WWOX: variants seen among roughly 807,000 people sequenced by gnomAD.
WWOX encodes WW domain-containing oxidoreductase.
Under a neutral mutation model 46.2 loss-of-function variants are expected in WWOX, and 69 were observed. The observed-to-expected ratio is 1.49, with a 90% CI of 1.23 to 1.82. The LOEUF is 1.82. Among genes scored for constraint, WWOX ranks in the 40% most tolerant of loss-of-function variants. WWOX has a pLI of 0.00. For missense variants in WWOX, 919 were observed against 542.6 expected, an observed-to-expected ratio of 1.69 and a Z score of -6.89; for synonymous variants, 359 against 202.6, an observed-to-expected ratio of 1.77 and a Z score of -6.56.
chr16:78,187,473 T>C (rs11643897), intron 5 of WWOX, among the ~76,000 whole-genome samples: 42,185 of 152,026 alleles, frequency 0.28, 5,958 homozygotes, highest in Non-Finnish European at 0.32. Flanking sequence ...CGTGGTGGTG[T>C]GCACCCGTAG....
At chr16:78,258,306 G>A (rs564292843) in intron 5 of WWOX, among the ~76,000 whole-genome samples, 1 of 152,196 alleles carries the variant, frequency 6.6e-6, no homozygotes, top group Admixed American at 6.5e-5. Flanking sequence ...CGTTTGGTGG[G>A]ACTAAAAAGG....
intron 8 of WWOX, among the ~76,000 whole-genome samples, chr16:79,038,077 C>T (rs773074253): frequency 6.6e-6 from 1 of 152,154 alleles, no homozygotes; most frequent in African/African-American, 2.4e-5. Context: ...CCCTCCTCAA[C>T]AATTAATTCA....
chr16:78,786,479 G>A (rs995847235), intron 8 of WWOX, among the ~76,000 whole-genome samples: 1 of 152,154 alleles, frequency 6.6e-6, no homozygotes, highest in African/African-American at 2.4e-5. Context: ...TGAGTTTTGA[G>A]TACTTAGTAC....
intron 8 of WWOX, among the ~76,000 whole-genome samples, chr16:78,590,145 A>ATT (rs201222690): frequency 1.5e-4 from 3 of 20,334 alleles, no homozygotes; most frequent in Admixed American, 5.7e-4. Context: ...TTAGGCATTC[A>ATT]GTCTCTCTCT....
chr16:78,427,209 C>A (rs1488329423), intron 7 of WWOX, among the ~76,000 whole-genome samples: 2 of 152,086 alleles, frequency 1.3e-5, no homozygotes, highest in African/African-American at 4.8e-5. Flanking sequence ...AGTTAAGACC[C>A]CCTGTTAGGG....
intron 8 of WWOX, among the ~76,000 whole-genome samples, chr16:78,908,891 T>G (rs192917709): frequency 6.6e-6 from 1 of 152,188 alleles, no homozygotes; most frequent in Non-Finnish European, 1.5e-5. Flanking sequence ...CTGGAGCAAT[T>G]TGGGGAGGTT....
intron 8 of WWOX, among the ~76,000 whole-genome samples, chr16:78,625,075 G>A (rs767862333): frequency 3.3e-5 from 5 of 152,226 alleles, no homozygotes; most frequent in South Asian, 2.1e-4. Flanking sequence ...ATTTGTAGCC[G>A]CCACACATGG....
At chr16:79,155,818 G>C (rs1216463008) in intron 8 of WWOX, among the ~76,000 whole-genome samples, 1 of 152,010 alleles carries the variant, frequency 6.6e-6, no homozygotes, top group African/African-American at 2.4e-5. Flanking sequence ...TATACCAGTG[G>C]TGCCTAGCAT....
intron 8 of WWOX, among the ~76,000 whole-genome samples, chr16:78,864,829 C>G (rs962345284): frequency 7.6e-6 from 1 of 131,434 alleles, no homozygotes; most frequent in Non-Finnish European, 1.5e-5. Context: ...GTGGTGTGAA[C>G]TCGGCTCACT....
chr16:78,421,441 T>C (rs959257187), intron 6 of WWOX, among the ~76,000 whole-genome samples: 2 of 152,200 alleles, frequency 1.3e-5, no homozygotes, highest in Non-Finnish European at 2.9e-5. Flanking sequence ...GATAGGCCTG[T>C]CATTGGATTT....
chr16:78,235,750 C>T (rs1323132920), intron 5 of WWOX, among the ~76,000 whole-genome samples: 4 of 152,136 alleles, frequency 2.6e-5, no homozygotes, highest in Non-Finnish European at 5.9e-5. Context: ...CATGGGCGCT[C>T]ATATTGTCCA....
At chr16:78,866,326 C>T (rs753901267) in intron 8 of WWOX, among the ~76,000 whole-genome samples, 2 of 152,148 alleles carry the variant, frequency 1.3e-5, no homozygotes, top group African/African-American at 4.8e-5. Context: ...TTCACTCTTT[C>T]TCCCTCTGGG....
At chr16:78,418,936 C>G (rs2082862106) in intron 6 of WWOX, among the ~76,000 whole-genome samples, 1 of 151,738 alleles carries the variant, frequency 6.6e-6, no homozygotes, top group African/African-American at 2.4e-5. Flanking sequence ...GAAATCCTAG[C>G]TAGGGAAATT....
At chr16:78,428,287 T>C (rs548347249) in intron 7 of WWOX, among the ~76,000 whole-genome samples, 1 of 152,222 alleles carries the variant, frequency 6.6e-6, no homozygotes, top group Non-Finnish European at 1.5e-5. Context: ...AGAGTTGTTT[T>C]ACTACCTCTG....
chr16:79,009,968 CCTT>C (rs1237455985), intron 8 of WWOX, among the ~76,000 whole-genome samples: 2 of 152,138 alleles, frequency 1.3e-5, no homozygotes, highest in African/African-American at 4.8e-5. Flanking sequence ...AAGTCATTGA[CCTT>C]CTCTGAACCT....
chr16:78,578,151 GCT>G (rs1382764183), intron 8 of WWOX, among the ~76,000 whole-genome samples: 3 of 149,352 alleles, frequency 2.0e-5, no homozygotes, highest in Non-Finnish European at 4.4e-5. Context: ...TGTTGTTGAT[GCT>G]TTTTTGCCTT....
chr16:78,204,223 T>G (rs534704466), intron 5 of WWOX, among the ~76,000 whole-genome samples: 1 of 152,300 alleles, frequency 6.6e-6, no homozygotes, highest in East Asian at 1.9e-4. Context: ...CCTCCAGCCT[T>G]TTTTTGTTCT....
At chr16:78,960,988 G>C (rs557146003) in intron 8 of WWOX, among the ~76,000 whole-genome samples, 4 of 152,248 alleles carry the variant, frequency 2.6e-5, no homozygotes, top group Non-Finnish European at 4.4e-5. Flanking sequence ...ATTCTCCATG[G>C]AGTATCTTTA....
chr16:78,477,814 G>A lies in WWOX; in HGVS notation c.1056+45062G>A, dbSNP rs182402474. Among the ~76,000 whole-genome samples the A allele has an allele frequency of 9.3e-3, 1,416 of 152,154 alleles. 27 individuals carry two copies. The highest frequency in any genetic ancestry group is 0.032 in the African/African-American group (1,347 of 41,502). The stretch of plus-strand genomic sequence containing the variant: ...GAATTCAAGTCAAACACATTAAATG[G>A]TGGGTTTCATCCAAAAAATCTGATT... On this transcript the variant is annotated intron_variant, in intron 8 of 8. Transcript: ENST00000566780.
Sources: gnomAD v4.1 joint callset for allele counts (sites outside exome capture counted in the v4.1 genomes callset) on GRCh38, gnomAD v4.1.1 for gene constraint, MANE v1.5 for transcripts, NCBI Gene and HGNC (gene_info 2026-07-23, HGNC 2026-07-21) for gene names.